The following GRID2 variants were observed in gnomAD, a reference collection of about 807,000 sequenced individuals.
GRID2 encodes glutamate receptor ionotropic, delta-2.
A neutral mutation model predicts 114.8 loss-of-function variants in GRID2; 33 were observed. The ratio of observed to expected loss-of-function variants is 0.29; its 90% CI spans 0.22 to 0.38. The LOEUF is 0.38. Among genes scored for constraint, GRID2 ranks in the 10% least tolerant of loss-of-function variants. The pLI, the probability that GRID2 is intolerant of heterozygous loss-of-function variation, is 1.00. For synonymous variants in GRID2, 505 were observed against 449.9 expected (o/e 1.12, Z -1.55); for missense variants, 1,184 against 1,257.7 (o/e 0.94, Z 0.89).
Position 93,074,090 on chromosome 4 carries a change from C to A in GRID2, c.245-10905C>A, listed in dbSNP as rs533760448. Among the ~76,000 whole-genome samples, 14 of 152,302 alleles carry A rather than the reference C, an allele frequency of 9.2e-5. No individual in the cohort carries two copies. The East Asian group carries it at 2.3e-3, about 25-fold the overall frequency. On this transcript the variant is annotated intron_variant, in intron 2 of 15. Coordinates refer to ENST00000282020, the MANE Select transcript of GRID2 (RefSeq NM_001510.4). ...GAGGAAAAATCTCTGGCAACACAGG[C>A]CCTATTCTAAATACTACAAAGTAAT...
intron 8 of GRID2, among the ~76,000 whole-genome samples, chr4:93,353,535 A>C (rs1761011249): frequency 6.6e-6 from 1 of 152,136 alleles, no homozygotes; most frequent in South Asian, 2.1e-4. Context: ...AAAGAAGAAA[A>C]TGGGCATCCA....
chr4:93,196,833 A>T (rs1579259636), intron 4 of GRID2, among the ~76,000 whole-genome samples: 5 of 152,160 alleles, frequency 3.3e-5, no homozygotes, highest in South Asian at 2.1e-4. Context: ...ATGAAAGAAC[A>T]GTAACAGATA....
At chr4:93,358,681 A>G (rs186290914) in intron 8 of GRID2, among the ~76,000 whole-genome samples, 1 of 152,186 alleles carries the variant, frequency 6.6e-6, no homozygotes, top group East Asian at 1.9e-4. Flanking sequence ...ATTGGATTAC[A>G]TTGTACCAAA....
At chr4:93,555,142 A>C (rs1470424683) in intron 13 of GRID2, among the ~76,000 whole-genome samples, 2 of 152,070 alleles carry the variant, frequency 1.3e-5, no homozygotes, top group African/African-American at 4.8e-5. Flanking sequence ...GGGTGCCTAC[A>C]CCACCAGGGC....
chr4:92,854,876 A>G (rs942810347), intron 2 of GRID2, among the ~76,000 whole-genome samples: 4 of 152,192 alleles, frequency 2.6e-5, no homozygotes, highest in East Asian at 1.9e-4. Flanking sequence ...TCTCTTTGCC[A>G]TAATGAAATT....
At chr4:93,448,702 T>A (rs1350085365) in intron 10 of GRID2, among the ~76,000 whole-genome samples, 1 of 151,830 alleles carries the variant, frequency 6.6e-6, no homozygotes, top group African/African-American at 2.4e-5. Flanking sequence ...GAAACAAAAA[T>A]TATCTTTAAA....
chr4:93,252,631 G>C (rs1579434533), intron 8 of GRID2, among the ~76,000 whole-genome samples: 2 of 152,168 alleles, frequency 1.3e-5, no homozygotes, highest in East Asian at 3.9e-4. Context: ...AATGGAAATA[G>C]CATTCAATCT....
At chr4:92,333,717 G>A (rs1324610104) in intron 1 of GRID2, among the ~76,000 whole-genome samples, 1 of 152,068 alleles carries the variant, frequency 6.6e-6, no homozygotes, top group Non-Finnish European at 1.5e-5. Context: ...TATCCCACCA[G>A]ATACCCTTTT....
chr4:93,122,691 G>A (rs569980758), intron 4 of GRID2, among the ~76,000 whole-genome samples: 2 of 151,726 alleles, frequency 1.3e-5, no homozygotes, highest in Admixed American at 1.3e-4. Context: ...ACAATTGCAT[G>A]GAATTGTAAG....
intron 14 of GRID2, among the ~76,000 whole-genome samples, chr4:93,662,848 C>T (rs1161026187): frequency 6.6e-6 from 1 of 152,072 alleles, no homozygotes; most frequent in East Asian, 1.9e-4. Flanking sequence ...CTTGAGAAAA[C>T]AAAACAATTA....
At chr4:93,805,175 T>G (rs753413677) in intron 1 of GRID2, among the ~76,000 whole-genome samples, 1 of 152,256 alleles carries the variant, frequency 6.6e-6, no homozygotes, top group Non-Finnish European at 1.5e-5. Context: ...TGTTTCTTTA[T>G]GTAGCACCAG....
At chr4:93,210,300 A>G (rs1743304852) in intron 5 of GRID2, among the ~76,000 whole-genome samples, 1 of 152,120 alleles carries the variant, frequency 6.6e-6, no homozygotes, top group Non-Finnish European at 1.5e-5. Flanking sequence ...TCTTCTGCAT[A>G]TGGCTTGCCA....
At chr4:93,220,252 A>ATT (rs977571978) in intron 6 of GRID2, among the ~76,000 whole-genome samples, 2 of 151,640 alleles carry the variant, frequency 1.3e-5, no homozygotes, top group African/African-American at 2.4e-5. Flanking sequence ...ATATATATAT[A>ATT]TTTTTTTAGA....
rs17019987 is a variant in GRID2, at chr4:92,869,063, A to G, written c.245-215932A>G. 5.9e-3 allele frequency among the ~76,000 whole-genome samples: 904 copies of G among 152,250 alleles called. 16 individuals carry two copies. The highest frequency in any genetic ancestry group is 0.021 in the African/African-American group (858 of 41,552). On this transcript the variant is annotated intron_variant, in intron 2 of 15. Transcript: ENST00000282020. ...CTTTTAATTTTGTATAAATGTGAGA[A>G]CAATATGTGTTTCCTTCTGTGTGTC...
chr4:93,751,954 A>G (rs1457649820), intron 14 of GRID2, among the ~76,000 whole-genome samples: 1 of 149,136 alleles, frequency 6.7e-6, no homozygotes, highest in East Asian at 2.0e-4. Flanking sequence ...CATTCAGGCC[A>G]TTGCACACCT....
At chr4:92,965,420 G>C (rs1250564704) in intron 2 of GRID2, among the ~76,000 whole-genome samples, 1 of 112,890 alleles carries the variant, frequency 8.9e-6, no homozygotes, top group East Asian at 2.9e-4. Flanking sequence ...AGACTTGTTT[G>C]ATACAGGGTT....
rs572314930 is a variant in GRID2 at position 92,444,693 on chromosome 4, T to C, written c.88+139949T>C. ...ATATAATGTAAAAAGGGGGCGTTTG[T>C]CTTCTCTTTTTAAATATCCGTACAG... On this transcript the variant is annotated intron_variant, in intron 1 of 15. Transcript: ENST00000282020. Among the ~76,000 whole-genome samples, 29 of 152,268 alleles carry C rather than the reference T, an allele frequency of 1.9e-4. No homozygotes were observed. In the East Asian group the frequency reaches 5.4e-3, roughly 28 times the overall value.
chr4:92,483,830 T>C (rs897348697), intron 1 of GRID2, among the ~76,000 whole-genome samples: 1 of 152,202 alleles, frequency 6.6e-6, no homozygotes. Context: ...GAATGTTAAG[T>C]AGCAGAATGC....
intron 2 of GRID2, among the ~76,000 whole-genome samples, chr4:93,052,826 A>G (rs1260497206): frequency 6.6e-6 from 1 of 151,810 alleles, no homozygotes; most frequent in African/African-American, 2.4e-5. Context: ...CTTCATTCCA[A>G]AGGGATTAGT....
Sources: gnomAD v4.1 joint callset for allele counts (sites outside exome capture counted in the v4.1 genomes callset) on GRCh38, gnomAD v4.1.1 for gene constraint, MANE v1.5 for transcripts, NCBI Gene and HGNC (gene_info 2026-07-23, HGNC 2026-07-21) for gene names.